Variants in MPDZ observed in about 807,000 individuals in gnomAD.
MPDZ encodes the protein multiple PDZ domain protein.
Under a neutral mutation model 239.1 loss-of-function variants are expected in MPDZ, and 234 were observed. That is an observed-to-expected ratio of 0.98 (90% confidence interval 0.88 to 1.09). MPDZ has a LOEUF of 1.09. Ranked by LOEUF, MPDZ falls within the 50% of genes least tolerant of loss-of-function variation. The pLI is 0.00. For missense variants in MPDZ, 3,175 were observed against 2,510.0 expected (o/e 1.26, Z -5.66); for synonymous variants, 1,048 against 881.3 (o/e 1.19, Z -3.35).
At position 13,168,416 on chromosome 9, in the gene MPDZ, G is replaced by C. The variant is rs1268238462; in HGVS notation, c.3204C>G (p.Ala1068=). Residue 1068 remains alanine (A), a synonymous_variant, in exon 22 of 47, where the codon GCC becomes GCG. Coordinates refer to ENST00000319217, the MANE Select transcript of MPDZ (RefSeq NM_001378778.1). ...GTCTTCTCAACATAGCTCGTGCCTG[G>C]GCATTGGTTACACTGATGGTAGACT... ...NEESTISVTN[A]QARAMLRRHS... 2 of 1,613,390 alleles carry C rather than the reference G, an allele frequency of 1.2e-6. No individual in the cohort carries two copies. Among genetic ancestry groups the C allele is most frequent in the East Asian group, 2.2e-5 (1 of 44,834 alleles).
chr9:13,151,337 A>G (rs182195947), intron 24 of MPDZ, among the ~76,000 whole-genome samples: 44 of 152,262 alleles, frequency 2.9e-4, no homozygotes, highest in Admixed American at 2.9e-3. Flanking sequence ...TCAAAGCAGG[A>G]TCTCAAAGAA....
chr9:13,123,244 G>C lies in MPDZ; in HGVS notation c.4862C>G (p.Pro1621Arg), dbSNP rs759229967. 1 of 1,613,470 alleles carries C rather than the reference G, an allele frequency of 6.2e-7. No homozygotes were observed. The highest frequency in any genetic ancestry group is 8.5e-7 in the Non-Finnish European group (1 of 1,179,754). ...AIFASDPATCPIIPGCETTIE... is the reference protein window; with the variant it reads ...AIFASDPATCRIIPGCETTIE... Reference sequence around the variant, plus strand: ...GGTTGTTTCGCAGCCAGGGATAATGGGGCAGGTTGCAGGATCAGAAGCAAA... The same window carrying C: ...GGTTGTTTCGCAGCCAGGGATAATGCGGCAGGTTGCAGGATCAGAAGCAAA... The change falls in exon 36 of 47, where the codon CCC becomes CGC. Residue 1621 changes from proline (P) to arginine (R), a missense_variant. By Grantham distance (103) the Pro-to-Arg change is moderately radical. Coordinates refer to ENST00000319217, the MANE Select transcript of MPDZ (RefSeq NM_001378778.1).
intron 45 of MPDZ, 52 bp from the exon 46 acceptor site, chr9:13,109,111 A>G (rs1941989468): frequency 8.1e-7 from 1 of 1,234,652 alleles, no homozygotes; most frequent in Non-Finnish European, 1.0e-6. Flanking sequence ...AAAAAACTAT[A>G]CATATATGTT....
intron 8 of MPDZ, 131 bp downstream of exon 8, chr9:13,219,419 GCATCCCTAC>G: frequency 1.4e-6 from 1 of 733,486 alleles, no homozygotes; most frequent in Non-Finnish European, 2.2e-6. Flanking sequence ...TAGTGCTAAA[GCATCCCTAC>G]ATTTGAATTT....
rs1051959374 is a variant in MPDZ, at chr9:13,270,054, T to G, written c.-58+9346A>C. Among the ~76,000 whole-genome samples, 3 of 152,224 alleles carry G rather than the reference T, an allele frequency of 2.0e-5. No homozygotes were observed. In the South Asian group the frequency reaches 6.2e-4, roughly 32 times the overall value. On this transcript the variant is annotated intron_variant, in intron 1 of 46. Coordinates refer to ENST00000319217, the MANE Select transcript of MPDZ (RefSeq NM_001378778.1). ...ATCTTGACAAGTGATATTTTCTCCA[T>G]GAAAGCATTTTAAAAGGGCTTATTC... is the stretch of plus-strand genomic sequence containing the variant.
Position 13,138,064 on chromosome 9 carries a change from C to A in MPDZ, c.4093G>T (p.Ala1365Ser). The A allele has an allele frequency of 4.3e-6, 7 of 1,613,836 alleles. No individual in the cohort carries two copies. The highest frequency in any genetic ancestry group is 5.9e-6 in the Non-Finnish European group (7 of 1,179,758). Residue 1365 changes from alanine (A) to serine (S), a missense_variant, in exon 29 of 47, where the codon GCT becomes TCT. By Grantham distance (99) the Ala-to-Ser change is moderately conservative (BLOSUM62 1). Coordinates refer to ENST00000319217, the MANE Select transcript of MPDZ (RefSeq NM_001378778.1). ...ATCCTGGATCGGTCTTTGTTCCCAG[C>A]AAGACTTAGGCCCAAACCACTATGA... The part of the protein sequence containing the change: ...KGHSGLGLSL[A>S]GNKDRSRMSV...
chr9:13,129,137 T>C (rs1382080533), intron 32 of MPDZ, among the ~76,000 whole-genome samples: 1 of 152,262 alleles, frequency 6.6e-6, no homozygotes, highest in Admixed American at 6.5e-5. Flanking sequence ...AACAACTATA[T>C]ACACATCAAC....
intron 22 of MPDZ, among the ~76,000 whole-genome samples, 187 bp from the exon 23 acceptor site, chr9:13,162,982 G>A (rs1262465770): frequency 6.6e-6 from 1 of 152,122 alleles, no homozygotes; most frequent in Admixed American, 6.6e-5. Context: ...CTATAGGGAA[G>A]AGTAACAACA....
intron 21 of MPDZ, 148 bp from the exon 22 acceptor site, chr9:13,168,712 G>T (rs1159945586): frequency 7.8e-6 from 5 of 637,836 alleles, no homozygotes; most frequent in Non-Finnish European, 1.3e-5. Flanking sequence ...AGGAAAAAGT[G>T]TTTCTAACAA....
In MPDZ at chr9:13,106,845, T is replaced by C. The variant is rs779501313; in HGVS notation, c.*120A>G. On this transcript the variant is annotated 3_prime_UTR_variant, in exon 47 of 47. Coordinates refer to ENST00000319217, the MANE Select transcript of MPDZ (RefSeq NM_001378778.1). ...TGAGAAAAAGAAACTTAAGTGTTAT[T>C]TCCCCCCTACAGTTTTGAAGACCCG... The C allele has an allele frequency of 1.9e-6, 2 of 1,069,872 alleles. No homozygotes were observed. The highest frequency in any genetic ancestry group is 2.7e-6 in the Non-Finnish European group (2 of 753,870). 66.3% of individuals were successfully genotyped at this position (1,069,872 alleles called of 1,614,324 possible). A position where few individuals can be genotyped will look rare whatever the true frequency, so the allele number is the denominator to read the frequency against.
chr9:13,224,915 G>C (rs1020914223), intron 3 of MPDZ, among the ~76,000 whole-genome samples: 81 of 152,160 alleles, frequency 5.3e-4, no homozygotes, highest in African/African-American at 1.8e-3. Context: ...ATCCTATGAA[G>C]TAACCTCTAA....
rs190304093 is a variant in MPDZ at position 13,136,809 on chromosome 9, A to G, written c.4201-6T>C. On this transcript the variant is annotated splice_polypyrimidine_tract_variant and splice_region_variant and intron_variant, in intron 29 of 46. Coordinates refer to ENST00000319217, the MANE Select transcript of MPDZ (RefSeq NM_001378778.1). Reference sequence around the variant, plus strand: ...TATAAAATCTGACCATTGATCTGTGAGAAATAAATATCATTAGTTGGGCCT... The same window carrying G: ...TATAAAATCTGACCATTGATCTGTGGGAAATAAATATCATTAGTTGGGCCT... The G allele has an allele frequency of 7.2e-4, 1,120 of 1,553,008 alleles. 8 individuals are homozygous for G. The African/African-American group carries it at 0.013, about 18-fold the overall frequency.
intron 10 of MPDZ, among the ~76,000 whole-genome samples, chr9:13,212,682 A>G (rs927104501): frequency 6.6e-6 from 1 of 151,410 alleles, no homozygotes; most frequent in African/African-American, 2.4e-5. Context: ...CATGAAAAGA[A>G]GAGATCCAGG....
At chr9:13,122,288 C>T in intron 36 of MPDZ, 118 bp from the exon 37 acceptor site, 1 of 867,108 alleles carries the variant, frequency 1.2e-6, no homozygotes, top group Non-Finnish European at 1.8e-6. Flanking sequence ...TAAACTCTGG[C>T]TCTACAGTAC....
At chr9:13,246,434 T>A (rs1025965050) in intron 3 of MPDZ, among the ~76,000 whole-genome samples, 4 of 152,154 alleles carry the variant, frequency 2.6e-5, no homozygotes, top group African/African-American at 9.7e-5. Flanking sequence ...AGAATGAGAC[T>A]CTGTCTCAAA....
At chr9:13,158,842 G>C (rs553074812) in intron 23 of MPDZ, among the ~76,000 whole-genome samples, 1 of 152,248 alleles carries the variant, frequency 6.6e-6, no homozygotes, top group South Asian at 2.1e-4. Context: ...GAAATATTTT[G>C]TTAGTCCAAA....
At chr9:13,274,165 A>G (rs1170528024) in intron 1 of MPDZ, among the ~76,000 whole-genome samples, 1 of 152,146 alleles carries the variant, frequency 6.6e-6, no homozygotes, top group Admixed American at 6.5e-5. Flanking sequence ...ACCTTTTAAA[A>G]TGTGCTATTT....
intron 1 of MPDZ, chr9:13,276,916 A>G (rs1588285751): frequency 6.6e-6 from 1 of 152,206 alleles, no homozygotes; most frequent in African/African-American, 2.4e-5. Flanking sequence ...CAATGGATTC[A>G]CTTGATCATT....
intron 24 of MPDZ, among the ~76,000 whole-genome samples, chr9:13,157,613 G>C (rs1949980233): frequency 6.6e-6 from 1 of 151,860 alleles, no homozygotes; most frequent in Admixed American, 6.6e-5. Context: ...ACAAGGCTAT[G>C]AGGGTACTTT....
Sources: allele counts gnomAD v4.1 joint callset (sites outside exome capture counted in the v4.1 genomes callset), GRCh38; gene constraint gnomAD v4.1.1; transcripts MANE v1.5; gene names NCBI Gene and HGNC (gene_info 2026-07-23, HGNC 2026-07-21).